The following ZFTRAF1 variants were observed in gnomAD, a reference collection of about 807,000 sequenced individuals.
The protein encoded by ZFTRAF1 is zinc finger TRAF-type and ring finger containing 1, also known as zinc finger TRAF-type-containing protein 1.
At chr8:144,456,454 G>A in the ZFTRAF1 span, 1 of 152,372 alleles carries the variant, frequency 6.6e-6, no homozygotes, top group South Asian at 2.1e-4. Flanking sequence ...GGGCCCTGGA[G>A]GGCGCCGCAC....
the ZFTRAF1 span, chr8:144,450,305 C>G: frequency 2.1e-4 from 138 of 666,218 alleles, no homozygotes; most frequent in African/African-American, 2.3e-3. Flanking sequence ...TGTGAAGCAG[C>G]TGCCAGCCAG....
At chr8:144,461,841 G>A in the ZFTRAF1 span, among the ~76,000 whole-genome samples, 1 of 152,112 alleles carries the variant, frequency 6.6e-6, no homozygotes, top group African/African-American at 2.4e-5. Context: ...GTGGCTGCCG[G>A]AAGAATGGGG....
At chr8:144,453,647 A>G in the ZFTRAF1 span, 4 of 598,210 alleles carry the variant, frequency 6.7e-6, no homozygotes, top group East Asian at 8.4e-5. Flanking sequence ...AGAAACAGGC[A>G]GAGCCAGCTT....
chr8:144,460,367 C>T, the ZFTRAF1 span, among the ~76,000 whole-genome samples: 1,422 of 152,352 alleles, frequency 9.3e-3, 14 homozygotes, highest in Non-Finnish European at 0.016. Flanking sequence ...GGCTCAGAGG[C>T]CTGGTCACCA....
the ZFTRAF1 span, among the ~76,000 whole-genome samples, chr8:144,461,499 C>T: frequency 6.6e-6 from 1 of 152,162 alleles, no homozygotes; most frequent in Admixed American, 6.5e-5. Context: ...AGTCCCACTG[C>T]CATGCGGATG....
At chr8:144,459,252 C>T in the ZFTRAF1 span, among the ~76,000 whole-genome samples, 2 of 152,238 alleles carry the variant, frequency 1.3e-5, no homozygotes, top group East Asian at 1.9e-4. Context: ...ACGACCTGAC[C>T]ACCTGCGCGG....
chr8:144,451,972 G>A, the ZFTRAF1 span: 1 of 311,298 alleles, frequency 3.2e-6, no homozygotes, highest in Non-Finnish European at 6.3e-6. Flanking sequence ...CTTGCCCCAG[G>A]GTCCGAGGGG....
At chr8:144,452,375 C>A in the ZFTRAF1 span, 1 of 1,549,650 alleles carries the variant, frequency 6.5e-7, no homozygotes, top group Non-Finnish European at 8.7e-7. Flanking sequence ...AGCCAATCTT[C>A]TCGAAGCTGA....
chr8:144,459,625 G>T, the ZFTRAF1 span, among the ~76,000 whole-genome samples: 3 of 152,230 alleles, frequency 2.0e-5, no homozygotes, highest in African/African-American at 7.2e-5. Flanking sequence ...GCCAGCACTG[G>T]TGGCATCTGG....
the ZFTRAF1 span, among the ~76,000 whole-genome samples, chr8:144,459,351 A>G: frequency 2.0e-5 from 3 of 152,232 alleles, no homozygotes; most frequent in Non-Finnish European, 2.9e-5. Context: ...AGGTGGCTGC[A>G]CACCTTGTCA....
chr8:144,449,999 C>G, the ZFTRAF1 span: 1 of 250,038 alleles, frequency 4.0e-6, no homozygotes, highest in Non-Finnish European at 7.8e-6. Context: ...AGCAAGGCCC[C>G]CGCGCCCCGC....
chr8:144,457,027 C>T, the ZFTRAF1 span: 2 of 132,632 alleles, frequency 1.5e-5, no homozygotes, highest in African/African-American at 5.7e-5. Context: ...GGGGGACTGA[C>T]ATCATGGGGG....
At chr8:144,462,367 GGCCGCCGCCGCCGCC>G in the ZFTRAF1 span, 8 of 478,704 alleles carry the variant, frequency 1.7e-5, no homozygotes, top group South Asian at 1.3e-4. Context: ...TCCCGCTGCC[GGCCGCCGCCGCCGCC>G]GCCGCCGCCT....
At chr8:144,453,193 G>C in the ZFTRAF1 span, 11 of 1,541,794 alleles carry the variant, frequency 7.1e-6, no homozygotes, top group Admixed American at 2.0e-5. Context: ...GGCCCCGCCT[G>C]TAAGGCTAAG....
At chr8:144,461,598 T>C in the ZFTRAF1 span, among the ~76,000 whole-genome samples, 1 of 152,136 alleles carries the variant, frequency 6.6e-6, no homozygotes. Context: ...GGCAGGAGCC[T>C]AGCGTGGGGC....
the ZFTRAF1 span, chr8:144,454,369 G>C: frequency 1.3e-5 from 2 of 152,330 alleles, no homozygotes; most frequent in Non-Finnish European, 2.9e-5. Flanking sequence ...AACAAACAAA[G>C]CCTTTTGTAC....
At chr8:144,450,794 A>C in the ZFTRAF1 span, 1 of 678,558 alleles carries the variant, frequency 1.5e-6, no homozygotes, top group Non-Finnish European at 2.8e-6. Flanking sequence ...CAGGGCCGGA[A>C]AGAGCCGGCT....
At chr8:144,455,824 C>T in the ZFTRAF1 span, 1 of 152,254 alleles carries the variant, frequency 6.6e-6, no homozygotes, top group East Asian at 1.9e-4. Flanking sequence ...GGGTCCTAGA[C>T]CCTCCTAAGG....
At chr8:144,460,099 A>G in the ZFTRAF1 span, among the ~76,000 whole-genome samples, 2 of 152,154 alleles carry the variant, frequency 1.3e-5, no homozygotes, top group Admixed American at 1.3e-4. Flanking sequence ...TTGACCTTCC[A>G]GGGGCACCAC....
Sources: allele counts gnomAD v4.1 joint callset (sites outside exome capture counted in the v4.1 genomes callset), GRCh38; gene constraint gnomAD v4.1.1; transcripts MANE v1.5; gene names NCBI Gene and HGNC (gene_info 2026-07-23, HGNC 2026-07-21).